ANKAR: variants seen among roughly 807,000 people sequenced by gnomAD.
ANKAR encodes ankyrin and armadillo repeat-containing protein.
ANKAR carries 136 observed loss-of-function variants against 146.2 expected under a neutral mutation model. That is an observed-to-expected ratio of 0.93 (90% CI 0.81 to 1.07). ANKAR has a LOEUF of 1.07. ANKAR is among the 50% of genes least tolerant of loss of function. The probability of loss-of-function intolerance (pLI) is 0.00; values close to 1 mark genes in which losing one functional copy is unlikely to be tolerated. For missense variants in ANKAR, 1,567 were observed against 1,679.9 expected (o/e 0.93, Z 1.18); for synonymous variants, 500 against 575.8 (o/e 0.87, Z 1.88).
chr2:189,750,586 C>G (rs1283110082), downstream of ANKAR: 1 of 1,570,794 alleles, frequency 6.4e-7, no homozygotes. Context: ...AATCATATCT[C>G]CATTTTTAAT....
chr2:189,732,516 C>G (rs975614844), intron 16 of ANKAR, among the ~76,000 whole-genome samples: 1 of 151,968 alleles, frequency 6.6e-6, no homozygotes, highest in African/African-American at 2.4e-5. Context: ...AAAAAATTAG[C>G]TGGGCGTGGT....
chr2:189,691,118 C>T (rs769931961), intron 3 of ANKAR, among the ~76,000 whole-genome samples: 2 of 152,146 alleles, frequency 1.3e-5, no homozygotes, highest in African/African-American at 4.8e-5. Context: ...TGCAGTGGCA[C>T]GATCTCGACT....
chr2:189,693,177 G>A lies in ANKAR; in HGVS notation c.1307G>A (p.Ser436Asn). The A allele has an allele frequency of 6.5e-7, 1 of 1,533,924 alleles. No individual in the cohort carries two copies. Among genetic ancestry groups the A allele is most frequent in the Non-Finnish European group, 8.9e-7 (1 of 1,128,040 alleles). Residue 436 changes from serine (S) to asparagine (N), a missense_variant and splice_region_variant, in exon 5 of 23, where the codon AGC (serine) becomes AAC (asparagine). Coordinates refer to ENST00000684021, the MANE Select transcript of ANKAR (RefSeq NM_001378068.1). Reference protein sequence around the residue: ...SIPVMEFHGKSYYVIYFELET... With the variant: ...SIPVMEFHGKNYYVIYFELET... The stretch of plus-strand genomic sequence containing the variant: ...CCAGTCATGGAATTTCATGGAAAAA[G>A]GTACGGAGCTTTCACTAATTACTGA...
chr2:189,689,766 G>C lies in ANKAR; in HGVS notation c.841G>C (p.Asp281His). 1 of 1,612,180 alleles carries C rather than the reference G, an allele frequency of 6.2e-7. No homozygotes were observed. Among genetic ancestry groups the C allele is most frequent in the South Asian group, 1.1e-5 (1 of 90,886 alleles). Residue 281 changes from aspartate (D) to histidine (H), a missense_variant, in exon 3 of 23, where the codon GAT becomes CAT. Asp to His is a moderately conservative substitution (Grantham distance 81). Transcript: ENST00000684021. ...TATAAAATATAATCAGGATTATCTT[G>C]ATATCTGTACCTACCAGAGACTACA... ...NAIKYNQDYL[D>H]ICTYQRLQQR...
rs771613238 is a variant in ANKAR, at chr2:189,746,566, T to C, written c.4244T>C (p.Val1415Ala). 6.2e-7 allele frequency: 1 copy of C among 1,613,718 alleles called. No homozygotes were observed. The highest frequency in any genetic ancestry group is 8.5e-7 in the Non-Finnish European group (1 of 1,179,876). Reference protein sequence around the residue: ...DITNVSRPRIVCLNQLGKHVQ... With the variant: ...DITNVSRPRIACLNQLGKHVQ... ...ACAAATGTATCAAGACCAAGAATAGTGTGTTTGAACCAACTTGGGAAACAT... is the reference window on the plus strand; with the variant it reads ...ACAAATGTATCAAGACCAAGAATAGCGTGTTTGAACCAACTTGGGAAACAT... The change falls in exon 23 of 23, where the codon GTG becomes GCG. Residue 1415 changes from valine (V) to alanine (A), a missense_variant. Physicochemically the swap from Val to Ala is moderately conservative, Grantham distance 64. Coordinates refer to ENST00000684021, the MANE Select transcript of ANKAR (RefSeq NM_001378068.1).
intron 20 of ANKAR, 87 bp from the exon 21 acceptor site, chr2:189,743,188 G>A (rs1179684910): frequency 1.5e-6 from 2 of 1,335,084 alleles, no homozygotes; most frequent in African/African-American, 2.9e-5. Context: ...CCCTTACAGA[G>A]ACTTTCCTAT....
At chr2:189,702,718 T>C (rs1443546170) in intron 7 of ANKAR, among the ~76,000 whole-genome samples, 1 of 152,184 alleles carries the variant, frequency 6.6e-6, no homozygotes, top group Non-Finnish European at 1.5e-5. Flanking sequence ...GGGTCAGATT[T>C]TATAGACTAT....
intron 8 of ANKAR, 40 bp downstream of exon 8, chr2:189,705,264 C>G: frequency 6.6e-7 from 1 of 1,511,440 alleles, no homozygotes; most frequent in Non-Finnish European, 8.9e-7. Flanking sequence ...AGGTTGATGT[C>G]TAGGCAATAA....
intron 5 of ANKAR, among the ~76,000 whole-genome samples, chr2:189,694,325 C>T (rs978824932): frequency 1.5e-4 from 23 of 152,112 alleles, no homozygotes; most frequent in African/African-American, 5.3e-4. Flanking sequence ...AGAGGTAGGT[C>T]AGCAGCTGAA....
chr2:189,723,238 G>A (rs758864025), intron 12 of ANKAR, among the ~76,000 whole-genome samples: 4 of 152,110 alleles, frequency 2.6e-5, no homozygotes, highest in Non-Finnish European at 5.9e-5. Flanking sequence ...ACATCTCCTT[G>A]GTCTGAGTCT....
chr2:189,744,731 T>C lies in ANKAR; in HGVS notation c.4011-11T>C. ...TCATTTATTTTAATGACAAAAATGT[T>C]TTCCTTTTAGTCTGGAGAAGAATGG... is the stretch of plus-strand genomic sequence containing the variant. On this transcript the variant is annotated splice_polypyrimidine_tract_variant and intron_variant, in intron 21 of 22. Transcript: ENST00000684021. 1 of 1,577,330 alleles carries C rather than the reference T, an allele frequency of 6.3e-7. No individual in the cohort carries two copies. The highest frequency in any genetic ancestry group is 1.1e-5 in the South Asian group (1 of 88,210).
downstream of ANKAR, chr2:189,761,425 A>G (rs1426995151): frequency 1.3e-6 from 2 of 1,597,104 alleles, no homozygotes; most frequent in Non-Finnish European, 1.7e-6. Flanking sequence ...CTTACTTTAA[A>G]TGAACTTCAG....
At chr2:189,737,090 AG>A (rs1189925199) in intron 17 of ANKAR, among the ~76,000 whole-genome samples, 5 of 141,826 alleles carry the variant, frequency 3.5e-5, no homozygotes, top group Admixed American at 7.4e-5. Flanking sequence ...AAAAAGAAAA[AG>A]AAAAAAAAAG....
rs766157830 is a variant in ANKAR at position 189,695,146 on chromosome 2, A to G, written c.1473A>G (p.Arg491=). The part of the protein sequence containing the change: ...EQFKKKLGFK[R]AMKCKSIPFG... ...TTAAGAAAAAGCTTGGTTTCAAAAG[A>G]GCTATGAAATGCAAGGTATTTCAGT... The change falls in exon 6 of 23, where the codon AGA becomes AGG. Residue 491 remains arginine (R), a synonymous_variant. Coordinates refer to ENST00000684021, the MANE Select transcript of ANKAR (RefSeq NM_001378068.1). The G allele has an allele frequency of 5.0e-6, 8 of 1,603,364 alleles. No individual in the cohort carries two copies. In the East Asian group the frequency reaches 1.8e-4, roughly 36 times the overall value.
intron 2 of ANKAR, among the ~76,000 whole-genome samples, chr2:189,685,644 A>C (rs1470880124): frequency 5.3e-5 from 8 of 152,104 alleles, no homozygotes; most frequent in Admixed American, 5.2e-4. Flanking sequence ...TTCACTGTAG[A>C]GTGATGAGCA....
downstream of ANKAR, among the ~76,000 whole-genome samples, chr2:189,748,494 G>A (rs1371561709): frequency 6.6e-6 from 1 of 152,182 alleles, no homozygotes; most frequent in Non-Finnish European, 1.5e-5. Flanking sequence ...AAAGCATTAG[G>A]ATGAGCTACC....
intron 16 of ANKAR, among the ~76,000 whole-genome samples, chr2:189,732,501 G>C (rs992730622): frequency 1.3e-5 from 2 of 151,738 alleles, no homozygotes; most frequent in African/African-American, 4.8e-5. Context: ...CTCTGCTAAA[G>C]ATACAAAAAA....
intron 15 of ANKAR, among the ~76,000 whole-genome samples, chr2:189,729,536 T>C (rs1306398414): frequency 6.6e-6 from 1 of 152,152 alleles, no homozygotes. Context: ...AGAGAAGATG[T>C]TTCTTTTTTT....
chr2:189,750,569 C>A (rs1377905129), downstream of ANKAR: 1 of 1,500,202 alleles, frequency 6.7e-7, no homozygotes, highest in East Asian at 2.3e-5. Context: ...CTTTTTTGAA[C>A]AGCAGAAATC....
Sources: allele counts gnomAD v4.1 joint callset (sites outside exome capture counted in the v4.1 genomes callset), GRCh38; gene constraint gnomAD v4.1.1; transcripts MANE v1.5; gene names NCBI Gene and HGNC (gene_info 2026-07-23, HGNC 2026-07-21).